The following SLC39A12 variants were observed in gnomAD, a reference collection of about 807,000 sequenced individuals.
SLC39A12 encodes the protein zinc transporter ZIP12.
Under a neutral mutation model 71.1 loss-of-function variants are expected in SLC39A12, and 63 were observed. The observed-to-expected ratio is 0.89, with a 90% CI of 0.72 to 1.09. SLC39A12 has a LOEUF of 1.09. SLC39A12 is among the 50% of genes least tolerant of loss of function. SLC39A12 has a pLI of 0.00. For synonymous variants in SLC39A12, 351 were observed against 301.3 expected (o/e 1.16, Z -1.71); for missense variants, 892 against 812.6 (o/e 1.10, Z -1.19).
chr10:18,003,098 AAT>A, intron 11 of SLC39A12, 71 bp from the exon 12 acceptor site: 1 of 1,388,470 alleles, frequency 7.2e-7, no homozygotes, highest in Non-Finnish European at 9.9e-7. Context: ...CGAAATAGCT[AAT>A]AGTGCGTTAC....
chr10:18,023,561 GT>G (rs769944674), intron 12 of SLC39A12, among the ~76,000 whole-genome samples: 13 of 152,126 alleles, frequency 8.5e-5, no homozygotes, highest in Non-Finnish European at 1.6e-4. Context: ...GTTCATTGTG[GT>G]GGGGTGGCTG....
chr10:18,004,402 C>A lies in SLC39A12; in HGVS notation c.1947+1044C>A, dbSNP rs1437866233. 6 of 152,046 alleles carry A rather than the reference C, an allele frequency of 3.9e-5. No homozygotes were observed. The East Asian group carries it at 1.2e-3, about 29-fold the overall frequency. The allele number at this position is 152,046 out of a possible 1,614,324, so 9.4% of individuals were successfully genotyped here. A position where few individuals can be genotyped will look rare whatever the true frequency, so the allele number is the denominator to read the frequency against. On this transcript the variant is annotated intron_variant, in intron 12 of 12. Coordinates refer to ENST00000377369, the MANE Select transcript of SLC39A12 (RefSeq NM_001145195.2). ...GACTACTAATGAAGCAGAATCCAAC[C>A]ATTGTCCTGGAAGTAAAAGAAATAT...
chr10:17,995,789 T>C lies in SLC39A12; in HGVS notation c.1600+67T>C. The C allele has an allele frequency of 5.0e-6, 7 of 1,413,524 alleles. No individual in the cohort carries two copies. In the South Asian group the frequency reaches 8.7e-5, roughly 17 times the overall value. 87.6% of individuals were successfully genotyped at this position (1,413,524 alleles called of 1,614,324 possible). On this transcript the variant is annotated intron_variant, in intron 10 of 12. Coordinates refer to ENST00000377369, the MANE Select transcript of SLC39A12 (RefSeq NM_001145195.2). ...AAAAACAGTTATGTCTGTTTTAAAATAAAATGTCAAAACTATATAGATATC... is the reference window on the plus strand; with the variant it reads ...AAAAACAGTTATGTCTGTTTTAAAACAAAATGTCAAAACTATATAGATATC...
At chr10:17,975,610 G>C (rs191925809) in intron 4 of SLC39A12, among the ~76,000 whole-genome samples, 2 of 152,212 alleles carry the variant, frequency 1.3e-5, no homozygotes, top group East Asian at 3.9e-4. Context: ...GTATCTTTTG[G>C]GTAATGAGCT....
chr10:18,039,459 G>A (rs1837158017), intron 12 of SLC39A12, among the ~76,000 whole-genome samples: 2 of 152,190 alleles, frequency 1.3e-5, no homozygotes, highest in African/African-American at 4.8e-5. Flanking sequence ...TGAGTATGGT[G>A]GCTTATGCCT....
intron 4 of SLC39A12, among the ~76,000 whole-genome samples, chr10:17,971,537 T>C (rs1834975044): frequency 6.6e-6 from 1 of 152,030 alleles, no homozygotes; most frequent in South Asian, 2.1e-4. Context: ...GTTCAGTTTT[T>C]GGATTTCTTC....
At chr10:18,012,735 C>T (rs561805483) in intron 12 of SLC39A12, among the ~76,000 whole-genome samples, 3 of 152,044 alleles carry the variant, frequency 2.0e-5, no homozygotes, top group Admixed American at 6.5e-5. Context: ...GGCGTGGTGG[C>T]GCACACCTGT....
intron 12 of SLC39A12, among the ~76,000 whole-genome samples, chr10:18,037,370 A>G (rs958683837): frequency 2.0e-5 from 3 of 152,100 alleles, no homozygotes; most frequent in Non-Finnish European, 4.4e-5. Flanking sequence ...GCCCTTGGTC[A>G]TAATAGACAA....
At chr10:17,975,801 C>A (rs1389490756) in intron 4 of SLC39A12, among the ~76,000 whole-genome samples, 1 of 152,152 alleles carries the variant, frequency 6.6e-6, no homozygotes, top group Non-Finnish European at 1.5e-5. Context: ...CCCCAGAGCA[C>A]TTTAGCCTGA....
At chr10:17,958,242 T>A (rs1443149195) in intron 2 of SLC39A12, among the ~76,000 whole-genome samples, 1 of 152,122 alleles carries the variant, frequency 6.6e-6, no homozygotes, top group Non-Finnish European at 1.5e-5. Context: ...TATGGTCACA[T>A]GTTCTGCCAT....
intron 2 of SLC39A12, among the ~76,000 whole-genome samples, chr10:17,959,707 C>T (rs997494802): frequency 4.6e-5 from 7 of 152,146 alleles, no homozygotes; most frequent in Non-Finnish European, 1.0e-4. Flanking sequence ...GGCAGCTTCC[C>T]TCTTGCTGAG....
At chr10:17,980,191 G>A (rs1835215461) in intron 5 of SLC39A12, among the ~76,000 whole-genome samples, 1 of 152,052 alleles carries the variant, frequency 6.6e-6, no homozygotes, top group Admixed American at 6.6e-5. Context: ...TCTGATTTCA[G>A]TTGGTTCTGT....
At position 18,029,431 on chromosome 10, in the gene SLC39A12, T is replaced by G. The variant is rs1047041098; in HGVS notation, c.1948-13274T>G. 1.3e-4 allele frequency among the ~76,000 whole-genome samples: 20 copies of G among 152,150 alleles called. No homozygotes were observed. In the East Asian group the frequency reaches 1.3e-3, roughly 10 times the overall value. On this transcript the variant is annotated intron_variant, in intron 12 of 12. Coordinates refer to ENST00000377369, the MANE Select transcript of SLC39A12 (RefSeq NM_001145195.2). The stretch of plus-strand genomic sequence containing the variant: ...TTTATTTCCAGAAAATTACAACTTC[T>G]TGACTAACAACTCTTTGCACCTACT...
At chr10:17,970,106 G>A (rs1025505635) in intron 4 of SLC39A12, among the ~76,000 whole-genome samples, 2 of 152,122 alleles carry the variant, frequency 1.3e-5, no homozygotes, top group African/African-American at 4.8e-5. Flanking sequence ...TTAGGTGTGT[G>A]TATTTGTTGC....
At chr10:17,961,558 G>A (rs782743408) in intron 2 of SLC39A12, 23 bp from the exon 3 acceptor site, 4 of 1,586,580 alleles carry the variant, frequency 2.5e-6, no homozygotes, top group Non-Finnish European at 3.4e-6. Context: ...TTCTTTTGTT[G>A]TTGTTATTGT....
At chr10:18,017,151 C>A (rs1049183508) in intron 12 of SLC39A12, among the ~76,000 whole-genome samples, 1 of 152,040 alleles carries the variant, frequency 6.6e-6, no homozygotes, top group African/African-American at 2.4e-5. Context: ...TTTAATGAAG[C>A]CCAGCTTATG....
intron 12 of SLC39A12, among the ~76,000 whole-genome samples, chr10:18,036,794 A>ATATATATATTTTTTTTTTTTTT (rs1554855475): frequency 1.1e-5 from 1 of 92,898 alleles, no homozygotes; most frequent in African/African-American, 4.5e-5. Context: ...ATATATATAT[A>ATATATATATTTTTTTTTTTTTT]TTTTTTTTTT....
At chr10:18,014,823 A>G (rs1175043547) in intron 12 of SLC39A12, among the ~76,000 whole-genome samples, 5 of 152,180 alleles carry the variant, frequency 3.3e-5, no homozygotes, top group Admixed American at 2.0e-4. Context: ...GCTTGTTAGG[A>G]CTAACACAGG....
At chr10:17,993,697 C>A (rs975318812) in intron 9 of SLC39A12, among the ~76,000 whole-genome samples, 2 of 152,192 alleles carry the variant, frequency 1.3e-5, no homozygotes, top group Admixed American at 1.3e-4. Flanking sequence ...TTGGGGAGTT[C>A]ATTTCATAAT....
Sources: gnomAD v4.1 joint callset for allele counts (sites outside exome capture counted in the v4.1 genomes callset) on GRCh38, gnomAD v4.1.1 for gene constraint, MANE v1.5 for transcripts, NCBI Gene and HGNC (gene_info 2026-07-23, HGNC 2026-07-21) for gene names.